Variants in EHD4 observed in about 807,000 individuals in gnomAD.
EHD4 encodes EH domain-containing protein 4.
In EHD4, 37 loss-of-function variants were observed where a neutral mutation model predicts 51.0. That is an observed-to-expected ratio of 0.73 (90% CI 0.56 to 0.95). The LOEUF is 0.95. EHD4 is among the 40% of genes least tolerant of loss of function. EHD4 has a pLI of 0.00. For synonymous variants in EHD4, 297 were observed against 317.3 expected (o/e 0.94, Z 0.68); for missense variants, 632 against 733.1 (o/e 0.86, Z 1.59).
chr15:41,943,119 G>A lies in EHD4; in HGVS notation c.459C>T (p.Ser153=), dbSNP rs745391155. 5.0e-6 allele frequency: 8 copies of A among 1,594,250 alleles called. No homozygotes were observed. In the East Asian group the frequency reaches 9.0e-5, roughly 18 times the overall value. Residue 153 remains serine, a synonymous_variant, in exon 3 of 6, where the codon AGC becomes AGT. Coordinates refer to ENST00000220325, the MANE Select transcript of EHD4 (RefSeq NM_139265.4). ...AAAGGATGCCGGGGCTGTCGATGAC[G>A]CTGATGCTCTTCAGGACCTGATTGG... ...QLPNQVLKSI[S]VIDSPGILSG...
At chr15:41,901,455 C>T (rs1193418732) in intron 5 of EHD4, among the ~76,000 whole-genome samples, 1 of 152,242 alleles carries the variant, frequency 6.6e-6, no homozygotes, top group Admixed American at 6.5e-5. Context: ...CCTTCTTTCA[C>T]CTGCCTTTTT....
chr15:41,931,643 G>A (rs1360347824), intron 3 of EHD4, among the ~76,000 whole-genome samples: 2 of 151,888 alleles, frequency 1.3e-5, no homozygotes, highest in African/African-American at 4.8e-5. Flanking sequence ...TACTTGTTTT[G>A]TTGTGGTAAG....
At chr15:41,948,188 G>A (rs977989098) in intron 2 of EHD4, among the ~76,000 whole-genome samples, 1 of 152,032 alleles carries the variant, frequency 6.6e-6, no homozygotes, top group African/African-American at 2.4e-5. Context: ...GGGAGGCAGA[G>A]TTTGCAGTGA....
At chr15:41,915,333 T>A (rs2140986893) in intron 4 of EHD4, among the ~76,000 whole-genome samples, 1 of 152,282 alleles carries the variant, frequency 6.6e-6, no homozygotes, top group East Asian at 1.9e-4. Context: ...CCGCCTTGGT[T>A]TCCTGAAGTG....
chr15:41,946,986 T>C (rs1268888703), intron 2 of EHD4, among the ~76,000 whole-genome samples: 1 of 152,214 alleles, frequency 6.6e-6, no homozygotes, highest in Non-Finnish European at 1.5e-5. Context: ...GTACTTTCCA[T>C]GCACATTAAC....
In EHD4 at chr15:41,946,684, C is replaced by G. The variant is rs144793867; in HGVS notation, c.414-3520G>C. Reference sequence around the variant, plus strand: ...GGAGCTGCAGTGAGCTTTGATGGTGCCAGTGCACTACAGCCTGTGCAACAG... The same window carrying G: ...GGAGCTGCAGTGAGCTTTGATGGTGGCAGTGCACTACAGCCTGTGCAACAG... On this transcript the variant is annotated intron_variant, in intron 2 of 5. Transcript: ENST00000220325. Among the ~76,000 whole-genome samples, 500 of 152,208 alleles carry G rather than the reference C, an allele frequency of 3.3e-3. 3 individuals are homozygous for G. The highest frequency in any genetic ancestry group is 4.3e-3 in the Non-Finnish European group (292 of 67,994).
chr15:41,929,373 C>T lies in EHD4; in HGVS notation c.512-9751G>A, dbSNP rs575858297. Among the ~76,000 whole-genome samples, 413 of 152,346 alleles carry T rather than the reference C, an allele frequency of 2.7e-3. 2 individuals carry two copies. Among genetic ancestry groups the T allele is most frequent in the Non-Finnish European group, 4.6e-3 (316 of 68,028 alleles). On this transcript the variant is annotated intron_variant, in intron 3 of 5. Coordinates refer to ENST00000220325, the MANE Select transcript of EHD4 (RefSeq NM_139265.4). Reference sequence around the variant, plus strand: ...CCTGAAGGCCCCTCCAGGGCAAGGGCGGGAGAGCCCCACATCACAGGTTCG... The same window carrying T: ...CCTGAAGGCCCCTCCAGGGCAAGGGTGGGAGAGCCCCACATCACAGGTTCG...
Position 41,909,828 on chromosome 15 carries a change from C to T in EHD4, c.960G>A (p.Glu320=). ...TTTCCTTTCCAAATACACTTGGCAT[C>T]TCCTTCTTCAGGTAGCTGATGATGT... ...HAYIISYLKK[E]MPSVFGKENK... Residue 320 remains glutamate, a synonymous_variant, in exon 5 of 6, where the codon GAG becomes GAA. Transcript: ENST00000220325. 6.2e-7 allele frequency: 1 copy of T among 1,614,236 alleles called. No homozygotes were observed. Among genetic ancestry groups the T allele is most frequent in the Non-Finnish European group, 8.5e-7 (1 of 1,180,056 alleles).
At chr15:41,904,182 G>A (rs985431169) in intron 5 of EHD4, among the ~76,000 whole-genome samples, 25 of 152,216 alleles carry the variant, frequency 1.6e-4, no homozygotes, top group African/African-American at 5.5e-4. Flanking sequence ...GCAGACAAAG[G>A]AGGGTGATGC....
intron 5 of EHD4, among the ~76,000 whole-genome samples, chr15:41,909,414 C>T (rs958327060): frequency 2.6e-5 from 4 of 152,186 alleles, no homozygotes; most frequent in Non-Finnish European, 4.4e-5. Context: ...CCAATGTCAC[C>T]GCAACATCAA....
chr15:41,906,607 G>A (rs1366444060), intron 5 of EHD4, among the ~76,000 whole-genome samples: 1 of 152,224 alleles, frequency 6.6e-6, no homozygotes, highest in Non-Finnish European at 1.5e-5. Flanking sequence ...CAGTGGTGGG[G>A]TCGAGCTGGA....
At chr15:41,915,358 G>A (rs2067577209) in intron 4 of EHD4, among the ~76,000 whole-genome samples, 1 of 152,176 alleles carries the variant, frequency 6.6e-6, no homozygotes, top group South Asian at 2.1e-4. Flanking sequence ...GATTACAGGT[G>A]TGAGCCACCG....
At chr15:41,937,673 G>T (rs902776119) in intron 3 of EHD4, among the ~76,000 whole-genome samples, 1 of 152,202 alleles carries the variant, frequency 6.6e-6, no homozygotes, top group East Asian at 1.9e-4. Context: ...ACATCTCTAA[G>T]TGTTCTCTCT....
chr15:41,901,315 G>C (rs1422947151), intron 5 of EHD4, 134 bp from the exon 6 acceptor site: 2 of 857,526 alleles, frequency 2.3e-6, no homozygotes, highest in African/African-American at 3.4e-5. Flanking sequence ...CTCTTTGGGA[G>C]CTTCCCACAT....
chr15:41,929,239 TTAATTTTTC>T (rs769994987), intron 3 of EHD4, among the ~76,000 whole-genome samples: 9 of 152,374 alleles, frequency 5.9e-5, no homozygotes, highest in Non-Finnish European at 1.2e-4. Context: ...ACTCTGTAAA[TTAATTTTTC>T]TGTGCCTGTT....
chr15:41,949,051 T>TATATATATATATATACACAC (rs1491135423), intron 2 of EHD4, among the ~76,000 whole-genome samples: 1 of 109,432 alleles, frequency 9.1e-6, no homozygotes, highest in Admixed American at 9.3e-5. Context: ...TATATATATA[T>TATATATATATATATACACAC]ACACACATAC....
intron 3 of EHD4, 133 bp from the exon 4 acceptor site, chr15:41,919,755 G>C (rs1182333081): frequency 1.5e-5 from 13 of 852,412 alleles, no homozygotes; most frequent in Non-Finnish European, 2.1e-5. Context: ...GGCAGTGGAG[G>C]CCTGGTGACA....
At chr15:41,907,582 C>A (rs28550631) in intron 5 of EHD4, among the ~76,000 whole-genome samples, 52,240 of 151,888 alleles carry the variant, frequency 0.34, 9,278 homozygotes, top group Middle Eastern at 0.55. Context: ...TGCAGTGGTG[C>A]GATCTTGGCT....
At chr15:41,904,537 T>C (rs981993708) in intron 5 of EHD4, among the ~76,000 whole-genome samples, 23 of 152,328 alleles carry the variant, frequency 1.5e-4, no homozygotes, top group Admixed American at 1.3e-3. Context: ...TCAACAGTTG[T>C]ATCCACTAAG....
Sources: gnomAD v4.1 joint callset for allele counts (sites outside exome capture counted in the v4.1 genomes callset) on GRCh38, gnomAD v4.1.1 for gene constraint, MANE v1.5 for transcripts, NCBI Gene and HGNC (gene_info 2026-07-23, HGNC 2026-07-21) for gene names.